SIM1: variants seen among roughly 807,000 people sequenced by gnomAD.
SIM1 encodes SIM bHLH transcription factor 1, also known as single-minded homolog 1.
Under a neutral mutation model 78.2 loss-of-function variants are expected in SIM1, and 18 were observed. The ratio of observed to expected loss-of-function variants is 0.23; its 90% CI spans 0.16 to 0.34. The LOEUF (loss-of-function observed/expected upper bound fraction) is 0.34. Among genes scored for constraint, SIM1 ranks in the 10% least tolerant of loss-of-function variants. The pLI is 1.00. For missense variants in SIM1, 939 were observed against 975.1 expected, an observed-to-expected ratio of 0.96 and a Z score of 0.49; for synonymous variants, 417 against 385.2, an observed-to-expected ratio of 1.08 and a Z score of -0.97.
intron 9 of SIM1, among the ~76,000 whole-genome samples, chr6:100,430,580 T>C (rs1771875135): frequency 6.6e-6 from 1 of 152,152 alleles, no homozygotes; most frequent in Non-Finnish European, 1.5e-5. Flanking sequence ...CATATGTTAT[T>C]CGGGCTGCCT....
intron 9 of SIM1, among the ~76,000 whole-genome samples, chr6:100,438,548 T>C (rs1183293609): frequency 3.3e-5 from 5 of 152,188 alleles, no homozygotes; most frequent in African/African-American, 9.6e-5. Context: ...TAGAAAACAG[T>C]ATGGGCATTC....
At chr6:100,439,075 C>T (rs1030070499) in intron 9 of SIM1, among the ~76,000 whole-genome samples, 1 of 151,910 alleles carries the variant, frequency 6.6e-6, no homozygotes, top group East Asian at 1.9e-4. Flanking sequence ...TCCATGTAAC[C>T]AAAAACCGTC....
chr6:100,420,202 T>G (rs1345584878), intron 10 of SIM1, among the ~76,000 whole-genome samples: 1 of 152,204 alleles, frequency 6.6e-6, no homozygotes, highest in Non-Finnish European at 1.5e-5. Context: ...ATCCTATTTG[T>G]ACCTTGCAGT....
intron 2 of SIM1, among the ~76,000 whole-genome samples, chr6:100,461,091 G>A (rs1197926796): frequency 6.6e-6 from 1 of 151,926 alleles, no homozygotes; most frequent in East Asian, 1.9e-4. Flanking sequence ...GGGGGAAGGT[G>A]AGGGGGCTGC....
rs899526117 is a variant in SIM1, at chr6:100,393,755, G to T, written c.1302C>A (p.Cys434Ter). The change falls in exon 11 of 12, where the codon TGC becomes TGA. Residue 434 changes from cysteine (C) to a stop codon, truncating the protein, a stop_gained. Transcript: ENST00000369208. LOFTEE classifies it high-confidence loss of function. Reference sequence around the variant, plus strand: ...TGCGGTCCGAAAACTGTCTGTAGGCGCACGATGCGTCGTGCTGGGAGCCAG... The same window carrying T: ...TGCGGTCCGAAAACTGTCTGTAGGCTCACGATGCGTCGTGCTGGGAGCCAG... ...DRPGSQHDASCAYRQFSDRSS... is the reference protein window; with the variant it reads ...DRPGSQHDAS 6.8e-6 allele frequency: 11 copies of T among 1,614,072 alleles called. No individual in the cohort carries two copies. The highest frequency in any genetic ancestry group is 8.5e-6 in the Non-Finnish European group (10 of 1,180,028).
At chr6:100,437,825 G>T (rs960399386) in intron 9 of SIM1, among the ~76,000 whole-genome samples, 1 of 152,166 alleles carries the variant, frequency 6.6e-6, no homozygotes, top group Non-Finnish European at 1.5e-5. Flanking sequence ...TTGGAGGTTT[G>T]TGTGTTGTGG....
intron 9 of SIM1, among the ~76,000 whole-genome samples, chr6:100,432,582 C>G (rs1040105193): frequency 1.3e-5 from 2 of 152,138 alleles, no homozygotes; most frequent in African/African-American, 4.8e-5. Flanking sequence ...TGAAGTACTC[C>G]CACCCCTACT....
At position 100,448,475 on chromosome 6, in the gene SIM1, C is replaced by A; in HGVS notation, c.743+4G>T. 1 of 1,613,382 alleles carries A rather than the reference C, an allele frequency of 6.2e-7. No homozygotes were observed. ...AGAGGCCCTTTCCGGCCCTGCCCAC[C>A]CACCTGGAGTCCAGAAAGATGAGCT... On this transcript the variant is annotated splice_donor_region_variant and intron_variant, in intron 7 of 11. Transcript: ENST00000369208.
At position 100,389,811 on chromosome 6, in the gene SIM1, T is replaced by C. The variant is rs1404623832; in HGVS notation, c.*550A>G. ...TAATTTATGCCTGAACCAAATGAGCTGGCTGATTTGAAACCACAAAGAAGT... is the reference window on the plus strand; with the variant it reads ...TAATTTATGCCTGAACCAAATGAGCCGGCTGATTTGAAACCACAAAGAAGT... On this transcript the variant is annotated 3_prime_UTR_variant, in exon 12 of 12. Coordinates refer to ENST00000369208, the MANE Select transcript of SIM1 (RefSeq NM_005068.3). 1.8e-5 allele frequency: 7 copies of C among 398,820 alleles called. No homozygotes were observed. 24.7% of individuals were successfully genotyped at this position (398,820 alleles called of 1,614,324 possible).
chr6:100,402,565 CTCTTTTTT>C (rs1770943092), intron 10 of SIM1, among the ~76,000 whole-genome samples: 1 of 106,174 alleles, frequency 9.4e-6, no homozygotes, highest in Admixed American at 1.1e-4. Context: ...CTTTTCTTTT[CTCTTTTTT>C]TTTTTTTTTT....
In SIM1 at chr6:100,385,833, T is replaced by C. The variant is rs571721255; in HGVS notation, c.*4528A>G. The C allele has an allele frequency of 6.6e-6, 1 of 152,014 alleles. No individual in the cohort carries two copies. The highest frequency in any genetic ancestry group is 2.1e-4 in the South Asian group (1 of 4,822). 9.4% of individuals were successfully genotyped at this position (152,014 alleles called of 1,614,324 possible). A position where few individuals can be genotyped will look rare whatever the true frequency, so the allele number is the denominator to read the frequency against. On this transcript the variant is annotated 3_prime_UTR_variant, in exon 12 of 12. Coordinates refer to ENST00000369208, the MANE Select transcript of SIM1 (RefSeq NM_005068.3). ...AGAAGGAACTCTGAGCAAACCCCTA[T>C]TTGGCAATGACCACACTCTCACTTT...
chr6:100,449,170 T>C (rs1772445659), intron 6 of SIM1, among the ~76,000 whole-genome samples, 193 bp downstream of exon 6: 1 of 152,174 alleles, frequency 6.6e-6, no homozygotes, highest in Admixed American at 6.5e-5. Context: ...TCAGACTTTG[T>C]CTTTAAGCAT....
rs933604299 is a variant in SIM1 at position 100,436,716 on chromosome 6, A to ATTTTGT, written c.998+10546_998+10551dup. 4.8e-5 allele frequency among the ~76,000 whole-genome samples: 7 copies of ATTTTGT among 145,178 alleles called. No individual in the cohort carries two copies. In the South Asian group the frequency reaches 6.6e-4, roughly 14 times the overall value. ...TTTTGTTGTTGTCGTTGTTTTTTGT[A>ATTTTGT]TTTTGTTTTTGTTTTTGTTTTTGGT... On this transcript the variant is annotated intron_variant, in intron 9 of 11. Transcript: ENST00000369208.
intron 9 of SIM1, among the ~76,000 whole-genome samples, chr6:100,426,472 C>T (rs1026978881): frequency 6.6e-6 from 1 of 152,186 alleles, no homozygotes; most frequent in African/African-American, 2.4e-5. Flanking sequence ...TGCCAACATG[C>T]CGCATGGGAA....
At position 100,464,903 on chromosome 6, in the gene SIM1, C is replaced by T. The variant is rs552298922; in HGVS notation, c.-757G>A. On this transcript the variant is annotated 5_prime_UTR_variant, in exon 1 of 12. Transcript: ENST00000369208. ...TAATTGGAAGCCGAAAACTGCCCCC[C>T]GTAACTTCTTTATAGCTTAAGGGTT... 2.6e-5 allele frequency: 4 copies of T among 152,378 alleles called. No homozygotes were observed. Among genetic ancestry groups the T allele is most frequent in the Non-Finnish European group, 2.9e-5 (2 of 68,062 alleles). 9.4% of individuals were successfully genotyped at this position (152,378 alleles called of 1,614,324 possible).
chr6:100,429,361 TCTGTCTCAAAAAAAAAAAAAAACACA>T (rs1771833357), intron 9 of SIM1, among the ~76,000 whole-genome samples: 1 of 76,838 alleles, frequency 1.3e-5, no homozygotes, highest in East Asian at 4.3e-4. Flanking sequence ...AGAGTGAGAC[TCTGTCTCAAAAAAAAAAAAAAACACA>T]CTATATACAA....
At chr6:100,459,943 T>C (rs1292974920) in intron 2 of SIM1, among the ~76,000 whole-genome samples, 1 of 152,232 alleles carries the variant, frequency 6.6e-6, no homozygotes, top group African/African-American at 2.4e-5. Flanking sequence ...CTGGCTTTGA[T>C]AATACCAAAG....
At chr6:100,442,536 A>G (rs1772243617) in intron 9 of SIM1, among the ~76,000 whole-genome samples, 1 of 152,144 alleles carries the variant, frequency 6.6e-6, no homozygotes, top group South Asian at 2.1e-4. Context: ...GTGCATGATT[A>G]TTATTTTGGA....
chr6:100,411,617 A>G (rs970234354), intron 10 of SIM1, among the ~76,000 whole-genome samples: 1 of 152,172 alleles, frequency 6.6e-6, no homozygotes, highest in African/African-American at 2.4e-5. Context: ...TTATTTATTC[A>G]TTCATTCCAT....
Sources: gnomAD v4.1 joint callset for allele counts (sites outside exome capture counted in the v4.1 genomes callset) on GRCh38, gnomAD v4.1.1 for gene constraint, MANE v1.5 for transcripts, NCBI Gene and HGNC (gene_info 2026-07-23, HGNC 2026-07-21) for gene names.